ANKLE2: variants seen among roughly 807,000 people sequenced by gnomAD.
ANKLE2 encodes ankyrin repeat and LEM domain containing 2.
Under a neutral mutation model 84.2 loss-of-function variants are expected in ANKLE2, and 55 were observed. That is an observed-to-expected ratio of 0.65 (90% CI 0.53 to 0.82). ANKLE2 has a LOEUF of 0.82. Among genes scored for constraint, ANKLE2 ranks in the 40% least tolerant of loss-of-function variants. The pLI, the probability that ANKLE2 is intolerant of heterozygous loss-of-function variation, is 0.00. For synonymous variants in ANKLE2, 551 were observed against 486.1 expected (o/e 1.13, Z -1.76); for missense variants, 1,238 against 1,201.9 (o/e 1.03, Z -0.44).
intron 2 of ANKLE2, among the ~76,000 whole-genome samples, chr12:132,752,257 T>C (rs1025783712): frequency 3.3e-5 from 5 of 152,150 alleles, no homozygotes; most frequent in Admixed American, 1.3e-4. Context: ...GGAAAATCAC[T>C]GGAACCCAAA....
At chr12:132,744,022 G>A (rs2044184368) in intron 5 of ANKLE2, among the ~76,000 whole-genome samples, 1 of 152,176 alleles carries the variant, frequency 6.6e-6, no homozygotes, top group African/African-American at 2.4e-5. Flanking sequence ...ATCGCGCCCT[G>A]GCTGGGAACC....
chr12:132,731,540 A>G (rs2043845992), intron 10 of ANKLE2: 1 of 147,158 alleles, frequency 6.8e-6, no homozygotes, highest in Non-Finnish European at 1.5e-5. Context: ...ACACACACAC[A>G]CAGTTTAAAC....
At chr12:132,751,308 G>C (rs1403042963) in intron 2 of ANKLE2, 1 of 153,826 alleles carries the variant, frequency 6.5e-6, no homozygotes, top group Non-Finnish European at 1.4e-5. Flanking sequence ...GCAGTGGCAC[G>C]ATCTTGGCTC....
In ANKLE2 at chr12:132,735,543, G is replaced by A. The variant is rs373817951; in HGVS notation, c.1594-31C>T. On this transcript the variant is annotated intron_variant, in intron 8 of 12. Coordinates refer to ENST00000357997, the MANE Select transcript of ANKLE2 (RefSeq NM_015114.3). ...AAGAAAAAAAAATGTATTGAGCCGT[G>A]TCAGGCACTGCGCCCCTCAGCTGCG... 64 of 1,577,450 alleles carry A rather than the reference G, an allele frequency of 4.1e-5. No homozygotes were observed. In the South Asian group the frequency reaches 4.2e-4, roughly 10 times the overall value.
intron 2 of ANKLE2, among the ~76,000 whole-genome samples, chr12:132,753,093 T>C (rs2044393637): frequency 6.6e-6 from 1 of 151,820 alleles, no homozygotes; most frequent in Non-Finnish European, 1.5e-5. Flanking sequence ...GCAGATCACT[T>C]GAGCCCAGGA....
chr12:132,755,183 T>C (rs1484433369), intron 1 of ANKLE2, 50 bp from the exon 2 acceptor site: 1 of 1,476,708 alleles, frequency 6.8e-7, no homozygotes, highest in Admixed American at 2.0e-5. Flanking sequence ...TAACACCTGC[T>C]GAAGCTGGGT....
intron 5 of ANKLE2, among the ~76,000 whole-genome samples, chr12:132,744,675 G>A (rs571727310): frequency 3.9e-5 from 6 of 152,138 alleles, no homozygotes; most frequent in Non-Finnish European, 5.9e-5. Flanking sequence ...GGACCAGATA[G>A]TAAGCACTAT....
At chr12:132,754,244 AAAAT>A (rs980163946) in intron 2 of ANKLE2, among the ~76,000 whole-genome samples, 7 of 152,244 alleles carry the variant, frequency 4.6e-5, no homozygotes, top group Non-Finnish European at 7.3e-5. Context: ...TTTGTCTCAA[AAAAT>A]AAATAAATAA....
chr12:132,741,312 C>T (rs1280906305), intron 7 of ANKLE2, 107 bp downstream of exon 7: 2 of 1,101,678 alleles, frequency 1.8e-6, no homozygotes, highest in Admixed American at 2.2e-5. Flanking sequence ...GGGGAGCCGG[C>T]ACACGCCCGG....
chr12:132,752,647 G>A (rs1313661880), intron 2 of ANKLE2, among the ~76,000 whole-genome samples: 3 of 152,070 alleles, frequency 2.0e-5, no homozygotes, highest in African/African-American at 7.2e-5. Flanking sequence ...GGGATTACAG[G>A]CGTGAGCCAC....
chr12:132,732,988 C>G (rs1323452744), intron 10 of ANKLE2, among the ~76,000 whole-genome samples: 5 of 134,310 alleles, frequency 3.7e-5, no homozygotes, highest in East Asian at 2.3e-4. Flanking sequence ...GTGAAGCGCT[C>G]TGCGTCCTGG....
At position 132,732,365 on chromosome 12, in the gene ANKLE2, A is replaced by G. The variant is rs1208723963; in HGVS notation, c.1891+2020T>C. Among the ~76,000 whole-genome samples, 175 of 111,072 alleles carry G rather than the reference A, an allele frequency of 1.6e-3. 2 individuals carry two copies. Among genetic ancestry groups the G allele is most frequent in the African/African-American group, 6.6e-3 (158 of 24,118 alleles). 72.9% of individuals were successfully genotyped at this position (111,072 alleles called of 152,430 possible). On this transcript the variant is annotated intron_variant, in intron 10 of 12. Coordinates refer to ENST00000357997, the MANE Select transcript of ANKLE2 (RefSeq NM_015114.3). ...AGCTCTCTGCGTCCTGGTGTCTGATACGCACTGTGAAGCGCTCTGCGTGCT... is the reference window on the plus strand; with the variant it reads ...AGCTCTCTGCGTCCTGGTGTCTGATGCGCACTGTGAAGCGCTCTGCGTGCT...
intron 3 of ANKLE2, among the ~76,000 whole-genome samples, chr12:132,750,245 G>A (rs1462794316): frequency 6.6e-6 from 1 of 151,500 alleles, no homozygotes; most frequent in Admixed American, 6.6e-5. Flanking sequence ...AAATTAGCTG[G>A]GTGTGGTGGT....
intron 12 of ANKLE2, 144 bp downstream of exon 12, chr12:132,727,888 C>G: frequency 8.6e-7 from 1 of 1,169,198 alleles, no homozygotes; most frequent in Non-Finnish European, 1.2e-6. Flanking sequence ...TGCAGAGAGC[C>G]ACAACACCCA....
Position 132,730,088 on chromosome 12 carries a change from C to G in ANKLE2, c.2074G>C (p.Gly692Arg). ...CCATTTCTGCTGCTGTGTGGACCTC[C>G]CGGCTCGGCGGCTTCTATGAGGTCT... ...EADLIEAAEPGGPHSSRNGLC... is the reference protein window; with the variant it reads ...EADLIEAAEPRGPHSSRNGLC... Residue 692 changes from glycine to arginine, a missense_variant, in exon 11 of 13, where the codon GGA becomes CGA. Gly to Arg is a moderately radical substitution (Grantham distance 125). Coordinates refer to ENST00000357997, the MANE Select transcript of ANKLE2 (RefSeq NM_015114.3). 7 of 1,612,446 alleles carry G rather than the reference C, an allele frequency of 4.3e-6. No individual in the cohort carries two copies. Among genetic ancestry groups the G allele is most frequent in the Non-Finnish European group, 5.9e-6 (7 of 1,179,610 alleles).
At chr12:132,738,490 G>A (rs2044057973) in intron 7 of ANKLE2, 1 of 152,014 alleles carries the variant, frequency 6.6e-6, no homozygotes, top group South Asian at 2.1e-4. Context: ...GGAATGCCTG[G>A]GAATTTCTTA....
chr12:132,729,774 G>A lies in ANKLE2; in HGVS notation c.2388C>T (p.Ala796=). 1 of 1,612,348 alleles carries A rather than the reference G, an allele frequency of 6.2e-7. No individual in the cohort carries two copies. Among genetic ancestry groups the A allele is most frequent in the Non-Finnish European group, 8.5e-7 (1 of 1,179,660 alleles). The change falls in exon 11 of 13, where the codon GCC becomes GCT. Residue 796 remains alanine, a synonymous_variant. Coordinates refer to ENST00000357997, the MANE Select transcript of ANKLE2 (RefSeq NM_015114.3). ...GHRRTESEMS[A]RIAKMSLSPS... is the part of the protein sequence containing the mutation. The stretch of plus-strand genomic sequence containing the variant: ...GACTCAAGGACATTTTAGCGATCCT[G>A]GCTGACATTTCACTTTCTGTCCTCC...
intron 10 of ANKLE2, chr12:132,731,567 T>C (rs2043847198): frequency 6.6e-6 from 1 of 152,142 alleles, no homozygotes; most frequent in Non-Finnish European, 1.5e-5. Flanking sequence ...TCTGCTTTAA[T>C]TTGTATTTTA....
At chr12:132,728,738 T>C (rs1566008441) in intron 11 of ANKLE2, among the ~76,000 whole-genome samples, 1 of 152,210 alleles carries the variant, frequency 6.6e-6, no homozygotes, top group African/African-American at 2.4e-5. Context: ...GAGTCGCCTC[T>C]GGGTGCACGC....
Sources: gnomAD v4.1 joint callset for allele counts (sites outside exome capture counted in the v4.1 genomes callset) on GRCh38, gnomAD v4.1.1 for gene constraint, MANE v1.5 for transcripts, NCBI Gene and HGNC (gene_info 2026-07-23, HGNC 2026-07-21) for gene names.